Variants in PDE8B observed in about 807,000 individuals in gnomAD.
PDE8B encodes the protein phosphodiesterase 8B.
A neutral mutation model predicts 101.3 loss-of-function variants in PDE8B; 26 were observed. That is an observed-to-expected ratio of 0.26 (90% CI 0.19 to 0.36). PDE8B has a LOEUF of 0.36. Among genes scored for constraint, PDE8B ranks in the 10% least tolerant of loss-of-function variants. The pLI is 1.00. For missense variants in PDE8B, 810 were observed against 1,163.1 expected (o/e 0.70, Z 4.42); for synonymous variants, 424 against 429.3 (o/e 0.99, Z 0.15).
the PDE8B span, among the ~76,000 whole-genome samples, chr5:77,117,289 T>A: frequency 2.0e-5 from 3 of 152,180 alleles, no homozygotes; most frequent in Admixed American, 6.5e-5. Flanking sequence ...TGGATGTTTC[T>A]GTTATATATA....
intron 10 of PDE8B, among the ~76,000 whole-genome samples, chr5:77,365,067 T>A (rs567450458): frequency 1.3e-4 from 20 of 152,314 alleles, no homozygotes; most frequent in African/African-American, 4.8e-4. Context: ...GGAGGAACGT[T>A]CACATCTACC....
At chr5:77,125,077 C>T in the PDE8B span, among the ~76,000 whole-genome samples, 2 of 152,212 alleles carry the variant, frequency 1.3e-5, no homozygotes, top group East Asian at 3.8e-4. Context: ...CAGCCTCAAA[C>T]TCCTGGGCTG....
At chr5:77,331,347 G>C in intron 4 of PDE8B, 55 bp from the exon 5 acceptor site, 1 of 1,473,456 alleles carries the variant, frequency 6.8e-7, no homozygotes, top group East Asian at 2.3e-5. Context: ...GTGTTTCAGT[G>C]TGAGGAATCC....
the PDE8B span, among the ~76,000 whole-genome samples, chr5:77,122,824 A>C: frequency 6.6e-6 from 1 of 152,196 alleles, no homozygotes; most frequent in Non-Finnish European, 1.5e-5. Context: ...AACTAAACAA[A>C]ATGTAGGAAA....
chr5:77,198,586 G>T, the PDE8B span, among the ~76,000 whole-genome samples: 1 of 152,190 alleles, frequency 6.6e-6, no homozygotes, highest in East Asian at 1.9e-4. Flanking sequence ...GGTGAAAGCT[G>T]GGGTAGTCAT....
intron 1 of PDE8B, among the ~76,000 whole-genome samples, chr5:77,262,277 A>G (rs1398733313): frequency 2.0e-5 from 3 of 152,048 alleles, no homozygotes; most frequent in Non-Finnish European, 4.4e-5. Context: ...AAAGGAAGAG[A>G]GAAGAGCCTC....
chr5:77,216,290 A>T (rs1749691037), intron 1 of PDE8B, among the ~76,000 whole-genome samples: 1 of 152,242 alleles, frequency 6.6e-6, no homozygotes, highest in African/African-American at 2.4e-5. Flanking sequence ...GCTGATAAAG[A>T]CATACCAGAG....
chr5:77,261,298 A>T (rs930950579), intron 1 of PDE8B, among the ~76,000 whole-genome samples: 5 of 152,190 alleles, frequency 3.3e-5, no homozygotes, highest in Non-Finnish European at 7.3e-5. Flanking sequence ...AGGAGAAGAC[A>T]GTCACAAGGA....
Position 77,300,320 on chromosome 5 carries a change from A to G in PDE8B, c.340-11674A>G, listed in dbSNP as rs1166316297. Among the ~76,000 whole-genome samples the G allele has an allele frequency of 4.6e-5, 7 of 152,360 alleles. No individual in the cohort carries two copies. In the South Asian group the frequency reaches 1.4e-3, roughly 32 times the overall value. On this transcript the variant is annotated intron_variant, in intron 1 of 21. Coordinates refer to ENST00000264917, the MANE Select transcript of PDE8B (RefSeq NM_003719.5). ...GTTTGAACCGTTTTTTAAAAGAAAT[A>G]TACTTTGATTGAACACAAAATGGTC...
chr5:77,310,952 A>G (rs1426820318), intron 1 of PDE8B, among the ~76,000 whole-genome samples: 6 of 152,208 alleles, frequency 3.9e-5, no homozygotes, highest in African/African-American at 1.4e-4. Context: ...GCAAAGTATA[A>G]TGTAAAGAAA....
the PDE8B span, among the ~76,000 whole-genome samples, chr5:77,120,387 T>C: frequency 2.6e-5 from 4 of 152,212 alleles, no homozygotes; most frequent in Non-Finnish European, 4.4e-5. Flanking sequence ...CACTTACAAG[T>C]GTTCATTTTA....
chr5:77,314,923 A>G (rs1186497014), intron 2 of PDE8B, among the ~76,000 whole-genome samples: 1 of 152,108 alleles, frequency 6.6e-6, no homozygotes, highest in Non-Finnish European at 1.5e-5. Flanking sequence ...GCATTTCTCC[A>G]TGACTAATGA....
At chr5:77,210,566 A>G, upstream of PDE8B, 3 of 928,896 alleles carry the variant, frequency 3.2e-6, no homozygotes, top group Non-Finnish European at 3.8e-6. The surrounding 1 kb of genome is among the most constrained non-coding windows in gnomAD (Gnocchi z 4.9). Context: ...GGCGAGGTCG[A>G]GCTGGGCGGC....
At position 77,210,854 on chromosome 5, in the gene PDE8B, AG is replaced by A; in HGVS notation, c.-70del. 1 of 1,131,726 alleles carries A rather than the reference AG, an allele frequency of 8.8e-7. No individual in the cohort carries two copies. Among genetic ancestry groups the A allele is most frequent in the Non-Finnish European group, 1.1e-6 (1 of 927,990 alleles). The allele number at this position is 1,131,726 out of a possible 1,614,324, so 70.1% of individuals were successfully genotyped here. A position where few individuals can be genotyped will look rare whatever the true frequency, so the allele number is the denominator to read the frequency against. On this transcript the variant is annotated 5_prime_UTR_variant, in exon 1 of 22. Transcript: ENST00000264917. The surrounding 1 kb of genome is among the most constrained non-coding windows in gnomAD (Gnocchi z 4.9). ...GCCGCCGCGGCCGCCCCCTCACTGC[AG>A]GTGGCAGCGGGTGCGCTGGGTCCCG...
chr5:77,259,303 C>T (rs1759981797), intron 1 of PDE8B, among the ~76,000 whole-genome samples: 2 of 152,022 alleles, frequency 1.3e-5, no homozygotes, highest in African/African-American at 4.8e-5. Flanking sequence ...TCCACTTGGC[C>T]CATAGAACAG....
intron 10 of PDE8B, among the ~76,000 whole-genome samples, chr5:77,359,484 G>A (rs575445809): frequency 6.6e-6 from 1 of 152,178 alleles, no homozygotes; most frequent in Non-Finnish European, 1.5e-5. Context: ...TGTCTGCCCT[G>A]CACGGATGGG....
the PDE8B span, among the ~76,000 whole-genome samples, chr5:77,132,876 T>A: frequency 6.6e-6 from 1 of 152,220 alleles, no homozygotes. Flanking sequence ...TATTCTAGCC[T>A]TATAATTAAC....
intron 10 of PDE8B, among the ~76,000 whole-genome samples, chr5:77,357,885 T>C (rs774635074): frequency 6.6e-6 from 1 of 152,250 alleles, no homozygotes; most frequent in Non-Finnish European, 1.5e-5. Flanking sequence ...ATCCAGTCCT[T>C]ACACCTTCAT....
At chr5:77,384,796 AC>A (rs1422682801) in intron 10 of PDE8B, among the ~76,000 whole-genome samples, 2 of 152,170 alleles carry the variant, frequency 1.3e-5, no homozygotes, top group Admixed American at 6.5e-5. Context: ...CGTATGTCTA[AC>A]CAGCCATGCA....
Sources: allele counts gnomAD v4.1 joint callset (sites outside exome capture counted in the v4.1 genomes callset), GRCh38; gene constraint gnomAD v4.1.1; non-coding constraint Gnocchi (gnomAD v3.1); transcripts MANE v1.5; gene names NCBI Gene and HGNC (gene_info 2026-07-23, HGNC 2026-07-21).